UBE2K: variants seen among roughly 807,000 people sequenced by gnomAD.
The protein encoded by UBE2K is ubiquitin-conjugating enzyme E2 K.
Under a neutral mutation model 30.0 loss-of-function variants are expected in UBE2K, and 6 were observed. The ratio of observed to expected loss-of-function variants is 0.20; its 90% confidence interval spans 0.11 to 0.39. The LOEUF is 0.39. UBE2K is among the 10% of genes least tolerant of loss of function. The probability of loss-of-function intolerance (pLI) is 1.00; values close to 1 mark genes in which losing one functional copy is unlikely to be tolerated. For missense variants in UBE2K, 61 were observed against 241.6 expected, an observed-to-expected ratio of 0.25 and a Z score of 4.96; for synonymous variants, 86 against 83.7, an observed-to-expected ratio of 1.03 and a Z score of -0.15.
chr4:39,717,499 G>A lies in UBE2K; in HGVS notation c.63+19109G>A, dbSNP rs143401936. ...CCACCTCAGCCTCCCAAAGTGCTGGGATTACAGGCGTGAGCCACCACGCCC... is the reference window on the plus strand; with the variant it reads ...CCACCTCAGCCTCCCAAAGTGCTGGAATTACAGGCGTGAGCCACCACGCCC... On this transcript the variant is annotated intron_variant, in intron 1 of 6. Coordinates refer to ENST00000261427, the MANE Select transcript of UBE2K (RefSeq NM_005339.5). Among the ~76,000 whole-genome samples the A allele has an allele frequency of 1.4e-4, 22 of 151,926 alleles. 1 individual carries two copies. In the East Asian group the frequency reaches 4.3e-3, roughly 29 times the overall value.
chr4:39,765,783 T>G (rs1381299592), intron 4 of UBE2K, among the ~76,000 whole-genome samples: 1 of 151,690 alleles, frequency 6.6e-6, no homozygotes, highest in African/African-American at 2.4e-5. Context: ...CACTCCAGCC[T>G]GGGCAACAGA....
At chr4:39,755,615 T>C in intron 3 of UBE2K, 42 bp from the exon 4 acceptor site, 1 of 1,412,022 alleles carries the variant, frequency 7.1e-7, no homozygotes, top group Non-Finnish European at 9.9e-7. Flanking sequence ...TAAACTGTTT[T>C]ATTTCTGTTA....
chr4:39,747,080 T>C (rs535372778), intron 3 of UBE2K, among the ~76,000 whole-genome samples: 126 of 152,344 alleles, frequency 8.3e-4, no homozygotes, highest in African/African-American at 3.0e-3. Context: ...AGAATAGATA[T>C]GATAATGGAA....
intron 3 of UBE2K, among the ~76,000 whole-genome samples, chr4:39,754,068 T>G (rs145821808): frequency 5.8e-4 from 89 of 152,220 alleles, no homozygotes; most frequent in African/African-American, 2.0e-3. Context: ...ATGAAGGGAA[T>G]GAGAGGTCAT....
chr4:39,716,324 C>T (rs775106655), intron 1 of UBE2K, among the ~76,000 whole-genome samples: 2 of 152,100 alleles, frequency 1.3e-5, no homozygotes, highest in Non-Finnish European at 2.9e-5. Context: ...CAGCTCACGC[C>T]GCAGTCTTAA....
At chr4:39,771,442 CG>C (rs1312666505) in intron 4 of UBE2K, 3 of 1,583,840 alleles carry the variant, frequency 1.9e-6, no homozygotes, top group South Asian at 1.1e-5. Context: ...GCCATTGTGG[CG>C]GGGGTGGGCA....
intron 1 of UBE2K, among the ~76,000 whole-genome samples, chr4:39,727,026 T>G (rs1719790353): frequency 6.6e-6 from 1 of 152,236 alleles, no homozygotes; most frequent in Non-Finnish European, 1.5e-5. Flanking sequence ...ACCAAATCAA[T>G]TGTCTTATTA....
intron 4 of UBE2K, among the ~76,000 whole-genome samples, chr4:39,768,276 C>CAAAAA (rs35596173): frequency 1.8e-5 from 2 of 113,548 alleles, no homozygotes; most frequent in Non-Finnish European, 3.5e-5. Context: ...CCGTCTCTAC[C>CAAAAA]AAAAAAAAAA....
intron 1 of UBE2K, among the ~76,000 whole-genome samples, chr4:39,711,883 T>C (rs1718710606): frequency 6.6e-6 from 1 of 151,356 alleles, no homozygotes; most frequent in Admixed American, 6.6e-5. Context: ...CTACTAAAAA[T>C]ACAAAAAATT....
At chr4:39,767,530 T>A (rs1310852411) in intron 4 of UBE2K, among the ~76,000 whole-genome samples, 3 of 151,952 alleles carry the variant, frequency 2.0e-5, no homozygotes, top group East Asian at 1.9e-4. Context: ...TCACCATGTT[T>A]GCCAGGATGG....
chr4:39,759,580 G>A (rs990374789), intron 4 of UBE2K, among the ~76,000 whole-genome samples: 19 of 152,096 alleles, frequency 1.2e-4, no homozygotes, highest in African/African-American at 3.1e-4. Context: ...CACTGTGCCC[G>A]GCCCCTGGTT....
intron 4 of UBE2K, among the ~76,000 whole-genome samples, chr4:39,765,178 T>C (rs1434932830): frequency 6.6e-6 from 1 of 152,168 alleles, no homozygotes; most frequent in East Asian, 1.9e-4. Context: ...AGCCACTGTG[T>C]CTGGCCTACT....
rs190571701 is a variant in UBE2K at position 39,758,936 on chromosome 4, T to C, written c.299+3197T>C. ...TTCCTAAGGCAGGTGAATAATCTTG[T>C]TTTTTATCTGTACAATTGAAATATT... On this transcript the variant is annotated intron_variant, in intron 4 of 6. Coordinates refer to ENST00000261427, the MANE Select transcript of UBE2K (RefSeq NM_005339.5). Among the ~76,000 whole-genome samples, 193 of 152,342 alleles carry C rather than the reference T, an allele frequency of 1.3e-3. 2 individuals carry two copies. The highest frequency in any genetic ancestry group is 1.8e-3 in the Admixed American group (28 of 15,294).
intron 1 of UBE2K, among the ~76,000 whole-genome samples, chr4:39,732,443 A>T (rs1004696807): frequency 1.3e-5 from 2 of 152,192 alleles, no homozygotes; most frequent in African/African-American, 4.8e-5. Flanking sequence ...TCATTATTTG[A>T]AAGAATTTTT....
chr4:39,731,188 C>T (rs1310576427), intron 1 of UBE2K, among the ~76,000 whole-genome samples: 1 of 151,670 alleles, frequency 6.6e-6, no homozygotes, highest in African/African-American at 2.4e-5. Flanking sequence ...CCACGGCGCC[C>T]GGCCATCTTG....
At chr4:39,771,065 G>T in intron 4 of UBE2K, 1 of 1,612,484 alleles carries the variant, frequency 6.2e-7, no homozygotes, top group Non-Finnish European at 8.5e-7. Context: ...TCAGTGAACT[G>T]GCTGAGGGCA....
At chr4:39,735,442 G>A (rs1340558188) in intron 1 of UBE2K, among the ~76,000 whole-genome samples, 3 of 152,208 alleles carry the variant, frequency 2.0e-5, no homozygotes, top group South Asian at 2.1e-4. Context: ...GTGCAGTGGC[G>A]TGATCTCGGC....
At position 39,781,883 on chromosome 4, in the gene UBE2K, C is replaced by CT; in HGVS notation, c.*3451dup. 2.5e-6 allele frequency: 1 copy of CT among 398,276 alleles called. No individual in the cohort carries two copies. Among genetic ancestry groups the CT allele is most frequent in the Admixed American group, 4.4e-5 (1 of 22,732 alleles). 24.7% of individuals were successfully genotyped at this position (398,276 alleles called of 1,614,324 possible). On this transcript the variant is annotated 3_prime_UTR_variant, in exon 7 of 7. Coordinates refer to ENST00000261427, the MANE Select transcript of UBE2K (RefSeq NM_005339.5). ...TTTTAGTATCAGTTTAAAGTAAATG[C>CT]TTACCATCAGCCAGTTGCTGTCACT... is the stretch of plus-strand genomic sequence containing the variant.
chr4:39,765,328 A>C (rs1352192404), intron 4 of UBE2K, among the ~76,000 whole-genome samples: 1 of 151,990 alleles, frequency 6.6e-6, no homozygotes, highest in Non-Finnish European at 1.5e-5. Context: ...GTTCAAGACC[A>C]GCCTGGGCAA....
Sources: allele counts gnomAD v4.1 joint callset (sites outside exome capture counted in the v4.1 genomes callset), GRCh38; gene constraint gnomAD v4.1.1; transcripts MANE v1.5; gene names NCBI Gene and HGNC (gene_info 2026-07-23, HGNC 2026-07-21).